The following EIF4ENIF1 variants were observed in gnomAD, a reference collection of about 807,000 sequenced individuals.
The protein encoded by EIF4ENIF1 is eukaryotic translation initiation factor 4E transporter.
In EIF4ENIF1, 23 loss-of-function variants were observed where a neutral mutation model predicts 110.5. The observed-to-expected ratio is 0.21, with a 90% CI of 0.15 to 0.29. The LOEUF is 0.29. Among genes scored for constraint, EIF4ENIF1 ranks in the 10% least tolerant of loss-of-function variants. The pLI is 1.00. For synonymous variants in EIF4ENIF1, 440 were observed against 437.0 expected, an observed-to-expected ratio of 1.01 and a Z score of -0.09; for missense variants, 1,031 against 1,221.1, an observed-to-expected ratio of 0.84 and a Z score of 2.32.
At chr22:31,438,544 CAAT>C (rs769880981), downstream of EIF4ENIF1, among the ~76,000 whole-genome samples, 12 of 152,030 alleles carry the variant, frequency 7.9e-5, no homozygotes, top group Non-Finnish European at 1.6e-4. Flanking sequence ...GATGATTCCT[CAAT>C]AAACTGTTTT....
rs372234796 is a variant in EIF4ENIF1, at chr22:31,454,238, C to T, written c.1418G>A (p.Arg473Gln). The change falls in exon 10 of 19, where the codon CGA becomes CAA. Residue 473 changes from arginine (R) to glutamine (Q), a missense_variant. This residue lies in a region of EIF4ENIF1 where 704 missense variants were observed against 879.7 expected (regional missense o/e 0.80). Transcript: ENST00000330125. ...CATGTCTCCGTCTTTCTTCAGTTGT[C>T]GATTGTTGGTTACGGCACTCAAGGT... ...EETLSAVTNN[R>Q]QLKKDGDMTA... 80 of 1,614,072 alleles carry T rather than the reference C, an allele frequency of 5.0e-5. No individual in the cohort carries two copies. Among genetic ancestry groups the T allele is most frequent in the Non-Finnish European group, 6.5e-5 (77 of 1,180,004 alleles).
At chr22:31,475,262 A>T (rs2051529602) in intron 2 of EIF4ENIF1, among the ~76,000 whole-genome samples, 1 of 138,106 alleles carries the variant, frequency 7.2e-6, no homozygotes, top group Admixed American at 7.6e-5. Context: ...GCTGTTCAAA[A>T]TTCTGAAAAA....
chr22:31,483,674 A>G (rs952266735), intron 2 of EIF4ENIF1, among the ~76,000 whole-genome samples: 2 of 152,124 alleles, frequency 1.3e-5, no homozygotes, highest in Non-Finnish European at 2.9e-5. Flanking sequence ...GATGATGCTA[A>G]TGCTAGTTCA....
At chr22:31,483,361 T>C (rs548753012) in intron 2 of EIF4ENIF1, among the ~76,000 whole-genome samples, 2 of 151,700 alleles carry the variant, frequency 1.3e-5, no homozygotes, top group Admixed American at 6.6e-5. Context: ...CCACCATACC[T>C]AGCTAATTTT....
intron 6 of EIF4ENIF1, 49 bp downstream of exon 6, chr22:31,462,883 T>C (rs1214843545): frequency 4.7e-5 from 75 of 1,592,456 alleles, no homozygotes; most frequent in Middle Eastern, 1.7e-4. Flanking sequence ...ACGCCCAGCC[T>C]ACATCTCATT....
rs560843357 is a variant in EIF4ENIF1 at position 31,478,775 on chromosome 22, C to T, written c.97-6858G>A. On this transcript the variant is annotated intron_variant, in intron 2 of 18. Transcript: ENST00000330125. ...GACCATCCTGGCTAACATGGTGAAA[C>T]CCCGTCTCTATCAAAAATACAAAAA... is the stretch of plus-strand genomic sequence containing the variant. Among the ~76,000 whole-genome samples the T allele has an allele frequency of 2.0e-5, 3 of 151,790 alleles. No individual in the cohort carries two copies. In the South Asian group the frequency reaches 6.3e-4, roughly 32 times the overall value.
chr22:31,469,245 A>G (rs1399216514), intron 3 of EIF4ENIF1, among the ~76,000 whole-genome samples: 2 of 152,236 alleles, frequency 1.3e-5, no homozygotes, highest in African/African-American at 4.8e-5. Context: ...ACTGAGCTGC[A>G]TCTTCTGCAG....
At chr22:31,444,809 A>T (rs2050411255) in intron 14 of EIF4ENIF1, 119 bp from the exon 15 acceptor site, 3 of 936,300 alleles carry the variant, frequency 3.2e-6, no homozygotes, top group Non-Finnish European at 5.1e-6. Flanking sequence ...ATCCAATTCA[A>T]TTTCCCAAGC....
chr22:31,484,784 A>T (rs1357879019), intron 2 of EIF4ENIF1, among the ~76,000 whole-genome samples: 1 of 152,196 alleles, frequency 6.6e-6, no homozygotes, highest in Non-Finnish European at 1.5e-5. Context: ...GTGAGCGGAG[A>T]TGGCGCCATT....
chr22:31,490,367 C>T (rs982255579), upstream of EIF4ENIF1, among the ~76,000 whole-genome samples: 1 of 152,222 alleles, frequency 6.6e-6, no homozygotes, highest in Admixed American at 6.5e-5. Flanking sequence ...CGGGTTCGAA[C>T]CTCAGCTGTT....
At chr22:31,463,429 A>G (rs1307816084) in intron 5 of EIF4ENIF1, among the ~76,000 whole-genome samples, 1 of 152,114 alleles carries the variant, frequency 6.6e-6, no homozygotes, top group Non-Finnish European at 1.5e-5. Flanking sequence ...CTGTAATCCC[A>G]GCACTTTGGG....
In EIF4ENIF1 at chr22:31,463,926, GAAC is replaced by G. The variant is rs1288276257; in HGVS notation, c.337_339del (p.Val113del). 2 of 1,614,006 alleles carry G rather than the reference GAAC, an allele frequency of 1.2e-6. No individual in the cohort carries two copies. The highest frequency in any genetic ancestry group is 1.7e-6 in the Non-Finnish European group (2 of 1,180,032). The stretch of plus-strand genomic sequence containing the variant: ...CCAAAGCTCCGTCTCTGAGGGCTGA[GAAC>G]AACATCTAAGTCATCTTCTTTCACA... On this transcript the variant is annotated inframe_deletion, in exon 5 of 19. Transcript: ENST00000330125.
chr22:31,456,382 C>G (rs906275301), intron 7 of EIF4ENIF1, among the ~76,000 whole-genome samples: 1 of 151,622 alleles, frequency 6.6e-6, no homozygotes. Context: ...TGCCACCACG[C>G]CCGGCTAATT....
chr22:31,453,043 AGAG>A (rs2050721021), intron 10 of EIF4ENIF1, among the ~76,000 whole-genome samples: 1 of 150,780 alleles, frequency 6.6e-6, no homozygotes, highest in Non-Finnish European at 1.5e-5. Flanking sequence ...CAGGAAAAAA[AGAG>A]AGAAAACTCA....
chr22:31,444,674 T>C lies in EIF4ENIF1; in HGVS notation c.2005A>G (p.Lys669Glu). 6.2e-7 allele frequency: 1 copy of C among 1,614,138 alleles called. No homozygotes were observed. Among genetic ancestry groups the C allele is most frequent in the Non-Finnish European group, 8.5e-7 (1 of 1,179,996 alleles). Residue 669 changes from lysine to glutamate, a missense_variant, in exon 15 of 19, where the codon AAG becomes GAG. By Grantham distance (56) the Lys-to-Glu change is moderately conservative (BLOSUM62 1). Transcript: ENST00000330125. ...CCTCGATGCACGGGTGCTGGTGACT[T>C]GGTCACTCGCTGTTGCCTGTGAACA... ...GFRNRQQRVT[K>E]SPAPVHRGNS...
intron 7 of EIF4ENIF1, 32 bp downstream of exon 7, chr22:31,458,443 C>A: frequency 5.9e-6 from 8 of 1,349,894 alleles, no homozygotes; most frequent in South Asian, 4.7e-5. Flanking sequence ...CAAATTTAAC[C>A]ACACATTTTT....
chr22:31,461,045 G>A (rs2050976944), intron 6 of EIF4ENIF1, among the ~76,000 whole-genome samples: 2 of 152,212 alleles, frequency 1.3e-5, no homozygotes, highest in South Asian at 4.1e-4. Context: ...CTTGAGGCAG[G>A]TAGAATTTAC....
chr22:31,467,359 C>G (rs1047804958), intron 4 of EIF4ENIF1, among the ~76,000 whole-genome samples: 2 of 152,174 alleles, frequency 1.3e-5, no homozygotes, highest in African/African-American at 4.8e-5. Flanking sequence ...AAAAAAAGTT[C>G]TTGCAACAAG....
chr22:31,478,851 C>T (rs1411618910), intron 2 of EIF4ENIF1, among the ~76,000 whole-genome samples: 1 of 150,638 alleles, frequency 6.6e-6, no homozygotes, highest in Admixed American at 6.7e-5. Flanking sequence ...ACTCGGGAGG[C>T]TGAGGCAGGA....
Sources: gnomAD v4.1 joint callset for allele counts (sites outside exome capture counted in the v4.1 genomes callset) on GRCh38, gnomAD v4.1.1 for gene constraint, gnomAD v4.1.1 regional missense constraint, MANE v1.5 for transcripts, NCBI Gene and HGNC (gene_info 2026-07-23, HGNC 2026-07-21) for gene names.